The following CHD6 variants were observed in gnomAD, a reference collection of about 807,000 sequenced individuals.
CHD6 encodes ATP-dependent chromatin remodeler CHD6.
Under a neutral mutation model 276.9 loss-of-function variants are expected in CHD6, and 50 were observed. The observed-to-expected ratio is 0.18, with a 90% CI of 0.14 to 0.23. The LOEUF (loss-of-function observed/expected upper bound fraction) is 0.23. Among genes scored for constraint, CHD6 ranks in the 10% least tolerant of loss-of-function variants. The pLI is 1.00. For missense variants in CHD6, 2,564 were observed against 3,365.8 expected (o/e 0.76, Z 5.89); for synonymous variants, 1,173 against 1,229.3 (o/e 0.95, Z 0.96).
chr20:41,423,090 G>A (rs538296229), intron 30 of CHD6, among the ~76,000 whole-genome samples: 11 of 152,276 alleles, frequency 7.2e-5, no homozygotes, highest in Non-Finnish European at 1.6e-4. Context: ...ACTTTCTATA[G>A]TTACAAGTCG....
chr20:41,540,359 CTGTT>C (rs761728492), intron 2 of CHD6, among the ~76,000 whole-genome samples: 14 of 152,106 alleles, frequency 9.2e-5, no homozygotes, highest in Non-Finnish European at 1.9e-4. Flanking sequence ...GCAAATTTGG[CTGTT>C]TATTTCTAAT....
At position 41,453,125 on chromosome 20, in the gene CHD6, T is replaced by C. The variant is rs559406982; in HGVS notation, c.3121-183A>G. On this transcript the variant is annotated intron_variant, in intron 20 of 36. Transcript: ENST00000373233. Reference sequence around the variant, plus strand: ...CACAGGACAAGCAGAGAAGATTCTCTGGGACTTGCTCAAGTTGATGTGCTC... The same window carrying C: ...CACAGGACAAGCAGAGAAGATTCTCCGGGACTTGCTCAAGTTGATGTGCTC... Among the ~76,000 whole-genome samples the C allele has an allele frequency of 2.6e-5, 4 of 152,226 alleles. No homozygotes were observed. In the South Asian group the frequency reaches 8.3e-4, roughly 32 times the overall value.
intron 2 of CHD6, chr20:41,547,712 C>T (rs2146133124): frequency 2.4e-5 from 15 of 622,986 alleles, no homozygotes; most frequent in South Asian, 2.0e-4. Flanking sequence ...AACAGAAAAA[C>T]ATTAAACACA....
At chr20:41,467,561 G>GA (rs11472253) in intron 17 of CHD6, among the ~76,000 whole-genome samples, 10,464 of 39,026 alleles carry the variant, frequency 0.27, 1,274 homozygotes, top group Non-Finnish European at 0.32. Flanking sequence ...TTCTGACAAT[G>GA]AAAAAAAAAA....
intron 5 of CHD6, among the ~76,000 whole-genome samples, chr20:41,504,077 CAAAAAAAAAAAAA>C (rs1189323419): frequency 7.4e-5 from 2 of 27,096 alleles, no homozygotes; most frequent in East Asian, 1.5e-3. Flanking sequence ...GACTCTGTCT[CAAAAAAAAAAAAA>C]AAAAAAAAAA....
Position 41,405,381 on chromosome 20 carries a change from G to A in CHD6, c.7360C>T (p.Pro2454Ser), listed in dbSNP as rs539039219. Residue 2454 changes from proline to serine, a missense_variant, in exon 37 of 37, where the codon CCT (proline) becomes TCT (serine). This residue lies in a region of CHD6 where 1,024 missense variants were observed against 1,047.9 expected (regional missense o/e 0.98). Transcript: ENST00000373233. Reference sequence around the variant, plus strand: ...GAGGGAGAGTCTGCCACAATGGAAGGAGCCTTCAGGAGTTCGCTCCGAGGC... The same window carrying A: ...GAGGGAGAGTCTGCCACAATGGAAGAAGCCTTCAGGAGTTCGCTCCGAGGC... ...RRPRSELLKA[P>S]SIVADSPSGM... 1.2e-5 allele frequency: 20 copies of A among 1,614,170 alleles called. No individual in the cohort carries two copies. Among genetic ancestry groups the A allele is most frequent in the South Asian group, 4.4e-5 (4 of 91,084 alleles).
At chr20:41,489,235 G>A (rs1042016413) in intron 12 of CHD6, among the ~76,000 whole-genome samples, 1 of 152,072 alleles carries the variant, frequency 6.6e-6, no homozygotes, top group Non-Finnish European at 1.5e-5. Flanking sequence ...GATTGAAATC[G>A]TTTAATTTTT....
At chr20:41,592,541 T>C (rs1383176635) in intron 1 of CHD6, among the ~76,000 whole-genome samples, 27 of 152,210 alleles carry the variant, frequency 1.8e-4, no homozygotes, top group Non-Finnish European at 3.7e-4. Context: ...AATGACACAA[T>C]AGTAGTACTT....
chr20:41,467,604 C>T, intron 17 of CHD6, among the ~76,000 whole-genome samples: 1 of 140,630 alleles, frequency 7.1e-6, no homozygotes, highest in Non-Finnish European at 1.5e-5. Context: ...TGTTGTGGCT[C>T]TCGCCCATCT....
chr20:41,509,408 G>C (rs903783731), intron 5 of CHD6, among the ~76,000 whole-genome samples: 1 of 152,068 alleles, frequency 6.6e-6, no homozygotes, highest in African/African-American at 2.4e-5. Context: ...AAAAAACTTG[G>C]CAGGTGTTCG....
intron 17 of CHD6, among the ~76,000 whole-genome samples, chr20:41,467,473 T>G (rs2042947256): frequency 6.6e-6 from 1 of 150,636 alleles, no homozygotes; most frequent in African/African-American, 2.5e-5. Flanking sequence ...AGTGCTCTAA[T>G]TATAGTGCTC....
chr20:41,462,544 G>A (rs755936245), intron 17 of CHD6, among the ~76,000 whole-genome samples: 6 of 152,142 alleles, frequency 3.9e-5, no homozygotes, highest in Admixed American at 2.0e-4. Context: ...TAAAGATACC[G>A]GGGGTAGCAG....
In CHD6 at chr20:41,497,274, C is replaced by T. The variant is rs143593726; in HGVS notation, c.1092+110G>A. 7.8e-4 allele frequency: 593 copies of T among 761,134 alleles called. 3 individuals carry two copies. The African/African-American group carries it at 8.5e-3, about 11-fold the overall frequency. The allele number at this position is 761,134 out of a possible 1,614,324, so 47.1% of individuals were successfully genotyped here. A position where few individuals can be genotyped will look rare whatever the true frequency, so the allele number is the denominator to read the frequency against. On this transcript the variant is annotated intron_variant, in intron 8 of 36. Transcript: ENST00000373233. ...AATCAGCACACATTTATCAATTTGA[C>T]TTGAGCAACAGATCTGTATAGGAAT...
chr20:41,594,047 C>T (rs1319745234), intron 1 of CHD6, among the ~76,000 whole-genome samples: 1 of 151,788 alleles, frequency 6.6e-6, no homozygotes, highest in Admixed American at 6.6e-5. Context: ...TAAATCTACC[C>T]TTATGGGATT....
chr20:41,448,382 T>C (rs1365885790), intron 23 of CHD6, among the ~76,000 whole-genome samples: 8 of 152,192 alleles, frequency 5.3e-5, no homozygotes, highest in Non-Finnish European at 7.4e-5. Context: ...AATGAATAAA[T>C]GAATAAAGGC....
At chr20:41,578,703 A>AAG (rs1555809312) in intron 1 of CHD6, among the ~76,000 whole-genome samples, 18 of 151,220 alleles carry the variant, frequency 1.2e-4, no homozygotes, top group African/African-American at 2.9e-4. Context: ...AAAAAAAAAA[A>AAG]AAAGAAAGAA....
At chr20:41,612,205 A>C (rs992523132) in intron 1 of CHD6, among the ~76,000 whole-genome samples, 3 of 152,224 alleles carry the variant, frequency 2.0e-5, no homozygotes, top group African/African-American at 7.2e-5. Flanking sequence ...TCACCTTGTC[A>C]GACAGGTAAG....
chr20:41,553,659 C>T (rs1719744689), intron 1 of CHD6, among the ~76,000 whole-genome samples: 1 of 152,218 alleles, frequency 6.6e-6, no homozygotes, highest in Non-Finnish European at 1.5e-5. Context: ...ATCTGCTTTT[C>T]CTTTGTTCAG....
chr20:41,441,341 G>C (rs1206510632), intron 25 of CHD6, among the ~76,000 whole-genome samples: 3 of 152,112 alleles, frequency 2.0e-5, no homozygotes, highest in Non-Finnish European at 4.4e-5. Flanking sequence ...AATCACTGTT[G>C]TAGGAAGAAG....
Sources: allele counts gnomAD v4.1 joint callset (sites outside exome capture counted in the v4.1 genomes callset), GRCh38; gene constraint gnomAD v4.1.1; regional missense constraint gnomAD v4.1.1; transcripts MANE v1.5; gene names NCBI Gene and HGNC (gene_info 2026-07-23, HGNC 2026-07-21).